The following RIMBP2 variants were observed in gnomAD, a reference collection of about 807,000 sequenced individuals.
RIMBP2 encodes RIMS-binding protein 2.
A neutral mutation model predicts 118.6 loss-of-function variants in RIMBP2; 48 were observed. The observed-to-expected ratio is 0.40, with a 90% CI of 0.32 to 0.51. The LOEUF (loss-of-function observed/expected upper bound fraction) is 0.51, where lower values mean the gene tolerates loss of function less well. Among genes scored for constraint, RIMBP2 ranks in the 20% least tolerant of loss-of-function variants. The pLI is 0.41. For missense variants in RIMBP2, 1,551 were observed against 1,768.3 expected (o/e 0.88, Z 2.20); for synonymous variants, 762 against 742.9 (o/e 1.03, Z -0.42).
intron 6 of RIMBP2, among the ~76,000 whole-genome samples, chr12:130,468,357 T>A (rs1005506168): frequency 2.0e-5 from 3 of 152,096 alleles, no homozygotes; most frequent in Non-Finnish European, 4.4e-5. Flanking sequence ...CTTGGGCCCC[T>A]CCCTGAGGGG....
chr12:130,546,555 C>T lies in RIMBP2; in HGVS notation c.-216-28638G>A, dbSNP rs188790374. Reference sequence around the variant, plus strand: ...AAGTGATCTGCCCACCTCAGCCTCCCGAAGTGCTGGGATTACAGGCTGAGC... The same window carrying T: ...AAGTGATCTGCCCACCTCAGCCTCCTGAAGTGCTGGGATTACAGGCTGAGC... On this transcript the variant is annotated intron_variant, in intron 2 of 22. Coordinates refer to ENST00000690449, the MANE Select transcript of RIMBP2 (RefSeq NM_001393629.1). Among the ~76,000 whole-genome samples, 18 of 152,264 alleles carry T rather than the reference C, an allele frequency of 1.2e-4. No individual in the cohort carries two copies. In the East Asian group the frequency reaches 3.3e-3, roughly 28 times the overall value.
chr12:130,497,888 C>G (rs4759703), intron 4 of RIMBP2, among the ~76,000 whole-genome samples: 149,780 of 152,354 alleles, frequency 0.98, 73,675 homozygotes, highest in East Asian at 1. Context: ...AAGGAGTGCG[C>G]GGTGGGGAGA....
rs113340702 is a variant in RIMBP2 at position 130,670,601 on chromosome 12, C to T, written c.-351-42145G>A. On this transcript the variant is annotated intron_variant, in intron 1 of 22. Coordinates refer to ENST00000690449, the MANE Select transcript of RIMBP2 (RefSeq NM_001393629.1). The surrounding 1 kb of genome is among the most constrained non-coding windows in gnomAD (Gnocchi z 4.9). ...GTTCAGCACCATGAAGCCGCCAGTC[C>T]GACACCCATTCCCAGTACCCTTCTC... is the stretch of plus-strand genomic sequence containing the variant. 3.1e-3 allele frequency among the ~76,000 whole-genome samples: 466 copies of T among 152,192 alleles called. 2 individuals carry two copies. The highest frequency in any genetic ancestry group is 5.4e-3 in the Admixed American group (82 of 15,282).
At chr12:130,641,944 A>G (rs1354211311) in intron 1 of RIMBP2, among the ~76,000 whole-genome samples, 1 of 152,120 alleles carries the variant, frequency 6.6e-6, no homozygotes, top group Non-Finnish European at 1.5e-5. Context: ...CTGACTCTAT[A>G]GATAAGCCAC....
intron 17 of RIMBP2, among the ~76,000 whole-genome samples, chr12:130,415,180 G>A (rs1311007347): frequency 6.6e-6 from 1 of 152,164 alleles, no homozygotes; most frequent in Non-Finnish European, 1.5e-5. Context: ...GAATCCAGCA[G>A]CACATCAAAA....
At chr12:130,702,271 C>T (rs2065888089) in intron 1 of RIMBP2, among the ~76,000 whole-genome samples, 1 of 151,894 alleles carries the variant, frequency 6.6e-6, no homozygotes, top group African/African-American at 2.4e-5. Context: ...AATCCCAGCA[C>T]TTTGGGAGGC....
At chr12:130,465,884 C>G (rs1479762261) in intron 6 of RIMBP2, 7 of 152,396 alleles carry the variant, frequency 4.6e-5, no homozygotes, top group African/African-American at 2.4e-5. Context: ...CCTCTGCCCC[C>G]ACCCAGCACC....
rs549548781 is a variant in RIMBP2 at position 130,608,400 on chromosome 12, C to A, written c.-217+19922G>T. Among the ~76,000 whole-genome samples the A allele has an allele frequency of 4.5e-4, 69 of 152,370 alleles. No homozygotes were observed. The South Asian group carries it at 0.014, about 30-fold the overall frequency. On this transcript the variant is annotated intron_variant, in intron 2 of 22. Coordinates refer to ENST00000690449, the MANE Select transcript of RIMBP2 (RefSeq NM_001393629.1). ...CTGCCTACACTGATTTCTCTGGGCCCTTCAGGGAAGTTTCAAGTTCTCAGG... is the reference window on the plus strand; with the variant it reads ...CTGCCTACACTGATTTCTCTGGGCCATTCAGGGAAGTTTCAAGTTCTCAGG...
At chr12:130,616,965 C>T (rs1480710893) in intron 2 of RIMBP2, among the ~76,000 whole-genome samples, 3 of 152,170 alleles carry the variant, frequency 2.0e-5, no homozygotes, top group African/African-American at 7.2e-5. Context: ...TGGGCCTTGG[C>T]GTCAGCTGCT....
rs557994882 is a variant in RIMBP2, at chr12:130,437,016, C to G, written c.1932G>C (p.Gln644His). 4 of 1,596,706 alleles carry G rather than the reference C, an allele frequency of 2.5e-6. No individual in the cohort carries two copies. Among genetic ancestry groups the G allele is most frequent in the East Asian group, 2.2e-5 (1 of 44,476 alleles). ...CATGCACAGGGCCAGGTGCACGGCT[C>G]TGCTCCCAGGCCTCATCCATCCTGG... ...PHARMDEAWE[Q>H]SRAPGPVHGH... is the part of the protein sequence containing the mutation. The change falls in exon 13 of 23, where the codon CAG (glutamine) becomes CAC (histidine). Residue 644 changes from glutamine (Q) to histidine (H), a missense_variant. Around this residue, in one of 5 missense-constraint regions of RIMBP2, gnomAD observed 1,038 missense variants for 1,125.1 expected, o/e 0.92. Transcript: ENST00000690449.
chr12:130,599,738 T>C (rs2059761797), intron 2 of RIMBP2, among the ~76,000 whole-genome samples: 1 of 152,224 alleles, frequency 6.6e-6, no homozygotes, highest in South Asian at 2.1e-4. Flanking sequence ...ATTGACAGTT[T>C]TACAGTTTCT....
At chr12:130,411,464 T>C (rs1330686332) in intron 19 of RIMBP2, among the ~76,000 whole-genome samples, 1 of 152,164 alleles carries the variant, frequency 6.6e-6, no homozygotes, top group East Asian at 1.9e-4. Context: ...CTTTCACCAT[T>C]AAGGATGATA....
intron 4 of RIMBP2, among the ~76,000 whole-genome samples, chr12:130,491,997 TCTC>T (rs770725096): frequency 2.0e-5 from 3 of 152,196 alleles, no homozygotes; most frequent in Non-Finnish European, 4.4e-5. Context: ...AACTGAATTA[TCTC>T]CTCAACGTCA....
chr12:130,643,334 G>T lies in RIMBP2; in HGVS notation c.-351-14878C>A, dbSNP rs2062707046. Among the ~76,000 whole-genome samples the T allele has an allele frequency of 2.0e-5, 3 of 152,334 alleles. No homozygotes were observed. The South Asian group carries it at 6.2e-4, about 32-fold the overall frequency. On this transcript the variant is annotated intron_variant, in intron 1 of 22. Transcript: ENST00000690449. ...TGGAGCATATGTCTCCTGTGTCAGG[G>T]AGAGGTGAGCCCCACAAGCGACCAG...
chr12:130,660,755 G>T (rs763926676), intron 1 of RIMBP2: 1 of 152,176 alleles, frequency 6.6e-6, no homozygotes, highest in African/African-American at 2.4e-5. Flanking sequence ...AGCATTTGAC[G>T]TAAAGACGCC....
chr12:130,462,073 C>T (rs1593391160), intron 6 of RIMBP2, among the ~76,000 whole-genome samples: 2 of 152,216 alleles, frequency 1.3e-5, no homozygotes, highest in East Asian at 3.9e-4. Context: ...CGTGGTGCTG[C>T]TCTGCACGAC....
rs1594069079 is a variant in RIMBP2 at position 130,620,304 on chromosome 12, C to T, written c.-217+8018G>A. On this transcript the variant is annotated intron_variant, in intron 2 of 22. Transcript: ENST00000690449. This position sits in a 1 kb window ranked among gnomAD's most constrained non-coding sequence, Gnocchi z 5.3. ...GCAGCCAGAGCATGTCTCCCACTCCCTCCCACCCCAGGCGGGTCATCCTGC... is the reference window on the plus strand; with the variant it reads ...GCAGCCAGAGCATGTCTCCCACTCCTTCCCACCCCAGGCGGGTCATCCTGC... Among the ~76,000 whole-genome samples, 1 of 152,088 alleles carries T rather than the reference C, an allele frequency of 6.6e-6. No individual in the cohort carries two copies. Among genetic ancestry groups the T allele is most frequent in the Admixed American group, 6.5e-5 (1 of 15,288 alleles).
chr12:130,455,369 T>C (rs1253973592), intron 7 of RIMBP2, among the ~76,000 whole-genome samples: 2 of 152,028 alleles, frequency 1.3e-5, no homozygotes, highest in Non-Finnish European at 1.5e-5. Flanking sequence ...CCACGTATCG[T>C]CTGCCCGCCA....
In RIMBP2 at chr12:130,437,166, T is replaced by A. The variant is rs1348602487; in HGVS notation, c.1782A>T (p.Ala594=). Residue 594 remains alanine, a synonymous_variant, in exon 13 of 23, where the codon GCA becomes GCT. Coordinates refer to ENST00000690449, the MANE Select transcript of RIMBP2 (RefSeq NM_001393629.1). ...GGAGCTCGGGGGGAACGGCAGCAACTGCAGAGTCCACGGACTCGCCCTGGG... is the reference window on the plus strand; with the variant it reads ...GGAGCTCGGGGGGAACGGCAGCAACAGCAGAGTCCACGGACTCGCCCTGGG... The part of the protein sequence containing the change: ...LSAQGESVDS[A]VAAVPPELLV... 1 of 1,590,394 alleles carries A rather than the reference T, an allele frequency of 6.3e-7. No homozygotes were observed. Among genetic ancestry groups the A allele is most frequent in the African/African-American group, 1.3e-5 (1 of 74,542 alleles).
Sources: allele counts gnomAD v4.1 joint callset (sites outside exome capture counted in the v4.1 genomes callset), GRCh38; gene constraint gnomAD v4.1.1; regional missense constraint gnomAD v4.1.1; non-coding constraint Gnocchi (gnomAD v3.1); transcripts MANE v1.5; gene names NCBI Gene and HGNC (gene_info 2026-07-23, HGNC 2026-07-21).